Variants in CCDC171 observed in about 807,000 individuals in gnomAD.
CCDC171 encodes coiled-coil domain containing 171, also known as coiled-coil domain-containing protein 171.
A neutral mutation model predicts 168.2 loss-of-function variants in CCDC171; 177 were observed. The observed-to-expected ratio is 1.05, with a 90% CI of 0.93 to 1.19. The LOEUF (loss-of-function observed/expected upper bound fraction) is 1.19. Among genes scored for constraint, CCDC171 ranks in the 50% most tolerant of loss-of-function variants. CCDC171 has a pLI of 0.00. For missense variants in CCDC171, 1,991 were observed against 1,539.0 expected, an observed-to-expected ratio of 1.29 and a Z score of -4.91; for synonymous variants, 687 against 540.8, an observed-to-expected ratio of 1.27 and a Z score of -3.75.
the CCDC171 span, among the ~76,000 whole-genome samples, chr9:16,085,370 C>G: frequency 6.6e-6 from 1 of 152,214 alleles, no homozygotes; most frequent in Admixed American, 6.5e-5. Flanking sequence ...CTGACCTCAG[C>G]TGCATGTAGC....
At chr9:15,851,758 G>A (rs866730156) in intron 23 of CCDC171, among the ~76,000 whole-genome samples, 65 of 151,698 alleles carry the variant, frequency 4.3e-4, no homozygotes, top group African/African-American at 1.5e-3. Flanking sequence ...CTACATCCTG[G>A]CAAACACTGA....
chr9:16,068,643 G>T, the CCDC171 span, among the ~76,000 whole-genome samples: 1 of 152,218 alleles, frequency 6.6e-6, no homozygotes, highest in South Asian at 2.1e-4. Context: ...CAGCATGGGG[G>T]TTAAGAGAAG....
chr9:15,771,332 A>C (rs1396035693), intron 18 of CCDC171, among the ~76,000 whole-genome samples: 1 of 152,160 alleles, frequency 6.6e-6, no homozygotes, highest in Non-Finnish European at 1.5e-5. Flanking sequence ...TGGTTTTCTC[A>C]TAACACCTTT....
intron 24 of CCDC171, among the ~76,000 whole-genome samples, chr9:15,899,529 C>T (rs1821355807): frequency 6.6e-6 from 1 of 152,126 alleles, no homozygotes; most frequent in Admixed American, 6.5e-5. Context: ...GTTAGCCATT[C>T]TGATAGGTGT....
chr9:15,744,186 CA>C, intron 16 of CCDC171, 86 bp from the exon 17 acceptor site: 2 of 1,102,852 alleles, frequency 1.8e-6, no homozygotes, highest in African/African-American at 3.2e-5. Context: ...TGGTTGTCAG[CA>C]AAAGTTTGTT....
At chr9:15,873,325 G>A (rs1475384564) in intron 23 of CCDC171, among the ~76,000 whole-genome samples, 2 of 152,082 alleles carry the variant, frequency 1.3e-5, no homozygotes, top group East Asian at 3.9e-4. Flanking sequence ...TAGAAAAATG[G>A]AGGAGAAATT....
chr9:15,556,449 G>A (rs2038804960), intron 1 of CCDC171, among the ~76,000 whole-genome samples: 1 of 152,100 alleles, frequency 6.6e-6, no homozygotes, highest in South Asian at 2.1e-4. Flanking sequence ...GTGTGAGATG[G>A]TATCTCATTG....
upstream of CCDC171, among the ~76,000 whole-genome samples, chr9:16,041,161 T>A (rs1564131923): frequency 6.6e-6 from 1 of 152,196 alleles, no homozygotes; most frequent in Non-Finnish European, 1.5e-5. Flanking sequence ...AGTAAGCACA[T>A]GGGCTTCCTT....
At chr9:16,014,526 C>T (rs918968744) in intron 3 of CCDC171, among the ~76,000 whole-genome samples, 1 of 152,156 alleles carries the variant, frequency 6.6e-6, no homozygotes, top group African/African-American at 2.4e-5. Flanking sequence ...AGGATGTTTT[C>T]CATTTACTTT....
chr9:15,968,894 T>A (rs1052780303), intron 25 of CCDC171, among the ~76,000 whole-genome samples: 4 of 152,122 alleles, frequency 2.6e-5, no homozygotes, highest in African/African-American at 7.2e-5. Flanking sequence ...CCTCATTTCA[T>A]GAAAAAAGTT....
chr9:15,779,804 AG>A (rs1166080232), intron 20 of CCDC171, among the ~76,000 whole-genome samples: 1 of 152,254 alleles, frequency 6.6e-6, no homozygotes, highest in East Asian at 1.9e-4. Flanking sequence ...TAGCTGAAAA[AG>A]CACAGTCGTA....
chr9:15,657,461 C>T (rs1392061409), intron 8 of CCDC171, among the ~76,000 whole-genome samples: 1 of 152,160 alleles, frequency 6.6e-6, no homozygotes, highest in African/African-American at 2.4e-5. Flanking sequence ...GAAGTTTTGT[C>T]TTGTCCATAG....
intron 24 of CCDC171, among the ~76,000 whole-genome samples, chr9:15,890,829 G>T (rs892686869): frequency 6.6e-6 from 1 of 152,028 alleles, no homozygotes; most frequent in Non-Finnish European, 1.5e-5. Flanking sequence ...AATGAATTTT[G>T]TTATAGAATA....
chr9:16,028,087 G>A (rs567929530), intron 6 of CCDC171, among the ~76,000 whole-genome samples: 12 of 152,176 alleles, frequency 7.9e-5, no homozygotes, highest in Non-Finnish European at 1.3e-4. Flanking sequence ...AGGGAGGGGG[G>A]CCAGCATAAG....
intron 23 of CCDC171, among the ~76,000 whole-genome samples, chr9:15,849,766 T>G (rs1214940262): frequency 1.3e-5 from 2 of 151,810 alleles, no homozygotes; most frequent in Non-Finnish European, 1.5e-5. Flanking sequence ...TGAATCAATT[T>G]TTTATATAAT....
intron 1 of CCDC171, among the ~76,000 whole-genome samples, chr9:15,556,252 G>A (rs938725122): frequency 6.6e-6 from 1 of 150,378 alleles, no homozygotes; most frequent in East Asian, 1.9e-4. Context: ...CTCTCTGGCT[G>A]CCAGTGATGG....
At chr9:16,021,981 C>A (rs547873087) in intron 4 of CCDC171, among the ~76,000 whole-genome samples, 2 of 152,308 alleles carry the variant, frequency 1.3e-5, no homozygotes, top group African/African-American at 4.8e-5. Context: ...CCTAAGCAGC[C>A]TCTCCTGATG....
chr9:15,801,385 G>A (rs981990906), intron 21 of CCDC171, among the ~76,000 whole-genome samples: 2 of 151,754 alleles, frequency 1.3e-5, no homozygotes, highest in Non-Finnish European at 2.9e-5. Flanking sequence ...ATGGTAAATG[G>A]GATTACTTTT....
chr9:15,773,068 C>T (rs972161949), intron 18 of CCDC171, among the ~76,000 whole-genome samples: 16 of 151,928 alleles, frequency 1.1e-4, no homozygotes, highest in South Asian at 2.1e-4. Context: ...TTATTTTAAA[C>T]GTTACTAATT....
Sources: gnomAD v4.1 joint callset for allele counts (sites outside exome capture counted in the v4.1 genomes callset) on GRCh38, gnomAD v4.1.1 for gene constraint, MANE v1.5 for transcripts, NCBI Gene and HGNC (gene_info 2026-07-23, HGNC 2026-07-21) for gene names.